The following TBC1D19 variants were observed in gnomAD, a reference collection of about 807,000 sequenced individuals.
TBC1D19 encodes the protein TBC1 domain family, member 19.
TBC1D19 carries 60 observed loss-of-function variants against 89.0 expected under a neutral mutation model. The observed-to-expected ratio is 0.67, with a 90% CI of 0.55 to 0.84. The LOEUF is 0.84. Ranked by LOEUF, TBC1D19 falls within the 40% of genes least tolerant of loss-of-function variation. The pLI is 0.00. For synonymous variants in TBC1D19, 189 were observed against 199.7 expected (o/e 0.95, Z 0.45); for missense variants, 500 against 610.8 (o/e 0.82, Z 1.91).
At chr4:26,744,459 G>T (rs1018224218) in intron 18 of TBC1D19, among the ~76,000 whole-genome samples, 1 of 151,160 alleles carries the variant, frequency 6.6e-6, no homozygotes, top group African/African-American at 2.4e-5. Context: ...GCTTGTTTAA[G>T]GTAGAAGTTA....
the TBC1D19 span, among the ~76,000 whole-genome samples, chr4:26,796,874 CT>C: frequency 6.6e-6 from 1 of 152,006 alleles, no homozygotes; most frequent in East Asian, 1.9e-4. Flanking sequence ...AACAGGTAAA[CT>C]TTTGGAGGTT....
At chr4:26,584,032 G>C, upstream of TBC1D19, 1 of 668,436 alleles carries the variant, frequency 1.5e-6, no homozygotes, top group Non-Finnish European at 2.6e-6. Flanking sequence ...GACCAGAGAG[G>C]GACGGACACA....
intron 13 of TBC1D19, among the ~76,000 whole-genome samples, chr4:26,699,923 T>C (rs1383893932): frequency 2.0e-5 from 3 of 151,236 alleles, no homozygotes; most frequent in Non-Finnish European, 2.9e-5. Flanking sequence ...AATGGCAAGT[T>C]AATGGGTGCA....
At chr4:26,584,424 G>C (rs1185382221) in intron 1 of TBC1D19, 132 bp downstream of exon 1, 5 of 705,266 alleles carry the variant, frequency 7.1e-6, no homozygotes. Flanking sequence ...AAAACAAACA[G>C]ACAAAAACAA....
the TBC1D19 span, among the ~76,000 whole-genome samples, chr4:26,820,640 G>A: frequency 6.6e-6 from 1 of 152,170 alleles, no homozygotes; most frequent in Admixed American, 6.5e-5. Context: ...AATGAATGTG[G>A]TAGTGCAGAT....
chr4:26,707,738 C>T (rs1715850461), intron 13 of TBC1D19, among the ~76,000 whole-genome samples: 1 of 151,646 alleles, frequency 6.6e-6, no homozygotes. Context: ...TTGTGCTTCC[C>T]GTGAGGATTA....
At chr4:26,744,756 TTAAATGTGTTGAAG>T (rs1160905686) in intron 18 of TBC1D19, among the ~76,000 whole-genome samples, 1 of 152,134 alleles carries the variant, frequency 6.6e-6, no homozygotes, top group Non-Finnish European at 1.5e-5. Flanking sequence ...TTCAGTTGTT[TTAAATGTGTTGAAG>T]TTTGTTTTTT....
rs528528435 is a variant in TBC1D19, at chr4:26,622,589, A to G, written c.294+1901A>G. On this transcript the variant is annotated intron_variant, in intron 4 of 20. Coordinates refer to ENST00000264866, the MANE Select transcript of TBC1D19 (RefSeq NM_018317.4). Reference sequence around the variant, plus strand: ...CTGGGCCAAATCCAACCTGCCACCTATTTTTATAGGGCTGGCAAACTAGGA... The same window carrying G: ...CTGGGCCAAATCCAACCTGCCACCTGTTTTTATAGGGCTGGCAAACTAGGA... Among the ~76,000 whole-genome samples the G allele has an allele frequency of 2.0e-5, 3 of 152,132 alleles. No individual in the cohort carries two copies. The South Asian group carries it at 6.2e-4, about 32-fold the overall frequency.
At chr4:26,850,123 G>T in the TBC1D19 span, among the ~76,000 whole-genome samples, 1 of 151,996 alleles carries the variant, frequency 6.6e-6, no homozygotes, top group Non-Finnish European at 1.5e-5. Flanking sequence ...ATATGTTGAA[G>T]TCCCAATTCC....
the TBC1D19 span, among the ~76,000 whole-genome samples, chr4:26,799,091 G>A: frequency 5.3e-5 from 8 of 152,290 alleles, no homozygotes; most frequent in Non-Finnish European, 1.0e-4. Flanking sequence ...TAGGTATTAA[G>A]TAGAGATGCT....
intron 19 of TBC1D19, among the ~76,000 whole-genome samples, chr4:26,749,453 T>G (rs995105538): frequency 4.0e-5 from 6 of 150,882 alleles, no homozygotes; most frequent in South Asian, 4.2e-4. Flanking sequence ...GGGTTGTTTT[T>G]TTTTTTTTTT....
At chr4:26,807,341 C>T in the TBC1D19 span, among the ~76,000 whole-genome samples, 5 of 152,184 alleles carry the variant, frequency 3.3e-5, no homozygotes, top group African/African-American at 9.7e-5. Context: ...GAAGGCCTTT[C>T]ACAATGAAAG....
At chr4:26,583,535 A>G (rs534060654), upstream of TBC1D19, among the ~76,000 whole-genome samples, 1 of 152,340 alleles carries the variant, frequency 6.6e-6, no homozygotes, top group South Asian at 2.1e-4. Flanking sequence ...GTTAATTTGT[A>G]GTTGTTAGAT....
At chr4:26,580,926 A>T (rs1017605134), upstream of TBC1D19, among the ~76,000 whole-genome samples, 2 of 152,190 alleles carry the variant, frequency 1.3e-5, no homozygotes, top group African/African-American at 2.4e-5. Flanking sequence ...ACACAGCATT[A>T]TATGAAGAAT....
At chr4:26,831,757 A>AT in the TBC1D19 span, among the ~76,000 whole-genome samples, 52 of 151,522 alleles carry the variant, frequency 3.4e-4, no homozygotes, top group East Asian at 6.8e-3. Context: ...CGCCTGGCTA[A>AT]TTTTTTTGTA....
At chr4:26,585,853 G>C (rs1739380036) in intron 1 of TBC1D19, among the ~76,000 whole-genome samples, 2 of 151,648 alleles carry the variant, frequency 1.3e-5, no homozygotes, top group South Asian at 4.2e-4. Flanking sequence ...CCAAAGTGCT[G>C]GGATTACAGA....
rs75609694 is a variant in TBC1D19 at position 26,719,724 on chromosome 4, C to G, written c.1040-357C>G. The stretch of plus-strand genomic sequence containing the variant: ...AAAGTGTACACACAGTATTACAAAG[C>G]TTAAGACTTGCTTTAATGAATAGAT... On this transcript the variant is annotated intron_variant, in intron 14 of 20. Transcript: ENST00000264866. Among the ~76,000 whole-genome samples, 145 of 152,192 alleles carry G rather than the reference C, an allele frequency of 9.5e-4. 4 individuals carry two copies. The East Asian group carries it at 0.024, about 25-fold the overall frequency.
At chr4:26,646,992 A>C (rs75911402) in intron 7 of TBC1D19, among the ~76,000 whole-genome samples, 1 of 152,220 alleles carries the variant, frequency 6.6e-6, no homozygotes, top group South Asian at 2.1e-4. Context: ...TGCCTGGCAC[A>C]TATACATACT....
chr4:26,595,415 A>G (rs1740145303), intron 1 of TBC1D19, among the ~76,000 whole-genome samples: 1 of 152,160 alleles, frequency 6.6e-6, no homozygotes, highest in Admixed American at 6.5e-5. Context: ...TTTTAATTTT[A>G]ATGAAGTCTG....
Sources: gnomAD v4.1 joint callset for allele counts (sites outside exome capture counted in the v4.1 genomes callset) on GRCh38, gnomAD v4.1.1 for gene constraint, MANE v1.5 for transcripts, NCBI Gene and HGNC (gene_info 2026-07-23, HGNC 2026-07-21) for gene names.